Variants in IBTK observed in about 807,000 individuals in gnomAD.
IBTK encodes inhibitor of Bruton tyrosine kinase.
A neutral mutation model predicts 154.9 loss-of-function variants in IBTK; 83 were observed. The observed-to-expected ratio is 0.54, with a 90% CI of 0.45 to 0.64. IBTK has a LOEUF of 0.64. Among genes scored for constraint, IBTK ranks in the 30% least tolerant of loss-of-function variants. The pLI, the probability that IBTK is intolerant of heterozygous loss-of-function variation, is 0.00. For missense variants in IBTK, 1,332 were observed against 1,584.6 expected (o/e 0.84, Z 2.71); for synonymous variants, 515 against 536.1 (o/e 0.96, Z 0.54).
intron 26 of IBTK, among the ~76,000 whole-genome samples, chr6:82,177,625 GC>G (rs1768168615): frequency 6.6e-6 from 1 of 152,036 alleles, no homozygotes; most frequent in African/African-American, 2.4e-5. Context: ...TGTTGGTCAG[GC>G]TGGTCTTGAA....
At chr6:82,226,542 T>TA (rs1436160530) in intron 5 of IBTK, among the ~76,000 whole-genome samples, 1 of 151,274 alleles carries the variant, frequency 6.6e-6, no homozygotes, top group Non-Finnish European at 1.5e-5. Flanking sequence ...AATGAGAAGT[T>TA]AAAAACAAAA....
chr6:82,237,816 T>C (rs1020893567), intron 2 of IBTK, among the ~76,000 whole-genome samples: 4 of 152,068 alleles, frequency 2.6e-5, no homozygotes, highest in Non-Finnish European at 5.9e-5. Flanking sequence ...ACAGAAATAT[T>C]TTTTAAGTCA....
Position 82,210,869 on chromosome 6 carries a change from A to G in IBTK, c.2454T>C (p.Asp818=). 1 of 1,578,422 alleles carries G rather than the reference A, an allele frequency of 6.3e-7. No individual in the cohort carries two copies. Among genetic ancestry groups the G allele is most frequent in the East Asian group, 2.3e-5 (1 of 43,230 alleles). ...CAALEMPIHS[D]ILKVILDYLY... ...GGTAGTCCAAAATAACTTTTAATAT[A>G]TCAGAATGTATTGGCATTTCCAGAG... Residue 818 remains aspartate, a synonymous_variant, in exon 16 of 29, where the codon GAT becomes GAC. Coordinates refer to ENST00000306270, the MANE Select transcript of IBTK (RefSeq NM_015525.4).
chr6:82,212,831 C>A (rs772765722), intron 12 of IBTK, 38 bp from the exon 13 acceptor site: 2 of 1,155,578 alleles, frequency 1.7e-6, no homozygotes, highest in Non-Finnish European at 2.6e-6. Flanking sequence ...TTGATATTCC[C>A]CTACAAAAAT....
At chr6:82,172,354 TA>T in intron 28 of IBTK, 25 bp downstream of exon 28, 2 of 1,596,936 alleles carry the variant, frequency 1.3e-6, no homozygotes, top group African/African-American at 1.3e-5. Flanking sequence ...TTCTCTAAAT[TA>T]AACCCTACTA....
rs191729083 is a variant in IBTK at position 82,178,508 on chromosome 6, C to A, written c.3725+3371G>T. Among the ~76,000 whole-genome samples the A allele has an allele frequency of 6.0e-4, 92 of 152,222 alleles. 1 individual carries two copies. The highest frequency in any genetic ancestry group is 2.2e-3 in the African/African-American group (90 of 41,544). ...ACAAATGTTACTTGAAACAGGGTTA[C>A]AATTTCAATTAATTTACTCATTCAT... On this transcript the variant is annotated intron_variant, in intron 26 of 28. Transcript: ENST00000306270.
rs530992625 is a variant in IBTK at position 82,236,120 on chromosome 6, C to T, written c.322-1865G>A. On this transcript the variant is annotated intron_variant, in intron 2 of 28. Transcript: ENST00000306270. ...AACTCCTGACCTCAGGTGATCTGCC[C>T]GCCTTGGCCTCCCAAAGTGCTGGAA... Among the ~76,000 whole-genome samples, 8 of 152,260 alleles carry T rather than the reference C, an allele frequency of 5.3e-5. No homozygotes were observed. The South Asian group carries it at 1.7e-3, about 32-fold the overall frequency.
At chr6:82,177,501 C>T (rs1768163633) in intron 26 of IBTK, among the ~76,000 whole-genome samples, 1 of 152,182 alleles carries the variant, frequency 6.6e-6, no homozygotes, top group South Asian at 2.1e-4. Flanking sequence ...CAACCTCCGC[C>T]TCCTGGGTTC....
rs772052726 is a variant in IBTK, at chr6:82,216,218, C to G, written c.1459G>C (p.Asp487His). Reference sequence around the variant, plus strand: ...TTTATATCAGAGACATAAGACACATCTGATGAGGAATTGTGAAGGTTTGAT... The same window carrying G: ...TTTATATCAGAGACATAAGACACATGTGATGAGGAATTGTGAAGGTTTGAT... Reference protein sequence around the residue: ...ILSNLHNSSSDVSYVSDINSV... With the variant: ...ILSNLHNSSSHVSYVSDINSV... The change falls in exon 11 of 29, where the codon GAT (aspartate) becomes CAT (histidine). Residue 487 changes from aspartate to histidine, a missense_variant. Coordinates refer to ENST00000306270, the MANE Select transcript of IBTK (RefSeq NM_015525.4). The G allele has an allele frequency of 1.4e-5, 23 of 1,595,222 alleles. 1 individual carries two copies. Among genetic ancestry groups the G allele is most frequent in the Non-Finnish European group, 1.9e-5 (22 of 1,174,142 alleles).
chr6:82,188,351 G>C (rs895422013), intron 25 of IBTK, among the ~76,000 whole-genome samples: 1 of 152,006 alleles, frequency 6.6e-6, no homozygotes, highest in African/African-American at 2.4e-5. Context: ...TATCATATTG[G>C]TAAGATTCAT....
Position 82,211,520 on chromosome 6 carries a change from A to C in IBTK, c.2344T>G (p.Cys782Gly). Residue 782 changes from cysteine (C) to glycine (G), a missense_variant, in exon 14 of 29, where the codon TGT becomes GGT. Coordinates refer to ENST00000306270, the MANE Select transcript of IBTK (RefSeq NM_015525.4). ...CTAGCACAAAGAACACATTTATGAC[A>C]AGGAAATTCCTTTCCATCCACTGAT... The part of the protein sequence containing the change: ...MKSVDGKEFP[C>G]HKCVLCARLE... 1 of 1,613,814 alleles carries C rather than the reference A, an allele frequency of 6.2e-7. No homozygotes were observed. The highest frequency in any genetic ancestry group is 8.5e-7 in the Non-Finnish European group (1 of 1,179,768).
At chr6:82,239,478 A>G (rs1770858186) in intron 2 of IBTK, among the ~76,000 whole-genome samples, 1 of 152,256 alleles carries the variant, frequency 6.6e-6, no homozygotes, top group Non-Finnish European at 1.5e-5. Flanking sequence ...AGTTAATAAT[A>G]TAGTTATTTA....
At chr6:82,203,392 GA>G (rs1769285065) in intron 17 of IBTK, among the ~76,000 whole-genome samples, 1 of 152,026 alleles carries the variant, frequency 6.6e-6, no homozygotes, top group Non-Finnish European at 1.5e-5. Context: ...AGCCAATAGG[GA>G]AACACAGTTG....
intron 2 of IBTK, among the ~76,000 whole-genome samples, chr6:82,237,547 T>TAGTAGCAGC (rs1398491320): frequency 7.8e-6 from 1 of 128,824 alleles, no homozygotes; most frequent in Non-Finnish European, 1.7e-5. Flanking sequence ...TAAGTAGTAG[T>TAGTAGCAGC]AGTAGCAGCA....
rs1018920892 is a variant in IBTK at position 82,198,514 on chromosome 6, T to C, written c.3025+1627A>G. Reference sequence around the variant, plus strand: ...ATTCTTGACATTATTCCTTTGAGCTTTAGTGAACATATCAAGCACCTAATT... The same window carrying C: ...ATTCTTGACATTATTCCTTTGAGCTCTAGTGAACATATCAAGCACCTAATT... On this transcript the variant is annotated intron_variant, in intron 21 of 28. Coordinates refer to ENST00000306270, the MANE Select transcript of IBTK (RefSeq NM_015525.4). Among the ~76,000 whole-genome samples, 10 of 152,292 alleles carry C rather than the reference T, an allele frequency of 6.6e-5. 1 individual carries two copies. Among genetic ancestry groups the C allele is most frequent in the African/African-American group, 1.9e-4 (8 of 41,572 alleles).
chr6:82,189,124 G>T (rs1013586838), intron 25 of IBTK: 5 of 379,162 alleles, frequency 1.3e-5, no homozygotes, highest in African/African-American at 8.7e-5. Context: ...AGGAGGAAAA[G>T]TATCAAAGTA....
chr6:82,210,013 A>G (rs1362989458), intron 16 of IBTK, among the ~76,000 whole-genome samples: 1 of 152,164 alleles, frequency 6.6e-6, no homozygotes, highest in Non-Finnish European at 1.5e-5. Context: ...TATCCCCAGT[A>G]TACAGCTGGG....
At chr6:82,240,035 C>T (rs1304282040) in intron 2 of IBTK, 131 bp downstream of exon 2, 2 of 665,844 alleles carry the variant, frequency 3.0e-6, no homozygotes, top group South Asian at 2.1e-5. Flanking sequence ...AGATCAGTTA[C>T]AGTAGTAAGA....
intron 9 of IBTK, among the ~76,000 whole-genome samples, chr6:82,218,649 C>T (rs1365098818): frequency 2.0e-5 from 3 of 152,068 alleles, no homozygotes; most frequent in Non-Finnish European, 4.4e-5. Context: ...TTCTGCAAAC[C>T]TCAGAGTCCC....
Sources: allele counts gnomAD v4.1 joint callset (sites outside exome capture counted in the v4.1 genomes callset), GRCh38; gene constraint gnomAD v4.1.1; transcripts MANE v1.5; gene names NCBI Gene and HGNC (gene_info 2026-07-23, HGNC 2026-07-21).